VPS35L: variants seen among roughly 807,000 people sequenced by gnomAD.
VPS35L encodes the protein VPS35 endosomal protein sorting factor like.
Under a neutral mutation model 133.0 loss-of-function variants are expected in VPS35L, and 83 were observed. That is an observed-to-expected ratio of 0.62 (90% CI 0.52 to 0.75). The LOEUF is 0.75. Among genes scored for constraint, VPS35L ranks in the 30% least tolerant of loss-of-function variants. VPS35L has a pLI of 0.00. For missense variants in VPS35L, 1,083 were observed against 1,206.8 expected, an observed-to-expected ratio of 0.90 and a Z score of 1.52; for synonymous variants, 423 against 449.9, an observed-to-expected ratio of 0.94 and a Z score of 0.76.
chr16:19,677,887 C>T (rs1314892561), intron 27 of VPS35L, among the ~76,000 whole-genome samples: 1 of 152,182 alleles, frequency 6.6e-6, no homozygotes, highest in East Asian at 1.9e-4. Flanking sequence ...ACTTAACCAA[C>T]CTCATAACCA....
intron 29 of VPS35L, among the ~76,000 whole-genome samples, chr16:19,694,793 G>T (rs567870407): frequency 1.3e-5 from 2 of 152,186 alleles, no homozygotes; most frequent in Non-Finnish European, 2.9e-5. Flanking sequence ...ATCACTTGAG[G>T]TCAGAAGTTT....
intron 25 of VPS35L, among the ~76,000 whole-genome samples, chr16:19,651,463 C>A (rs1291088510): frequency 6.6e-6 from 1 of 152,086 alleles, no homozygotes; most frequent in Admixed American, 6.6e-5. Context: ...CCTCAGCCTC[C>A]CAAAGTGTTG....
intron 3 of VPS35L, among the ~76,000 whole-genome samples, chr16:19,572,716 T>C (rs1305721779): frequency 6.6e-6 from 1 of 152,158 alleles, no homozygotes; most frequent in Non-Finnish European, 1.5e-5. Context: ...GGAGTCTTGC[T>C]CTGTCACTCA....
At chr16:19,636,209 T>C (rs968394035) in intron 19 of VPS35L, among the ~76,000 whole-genome samples, 2 of 150,332 alleles carry the variant, frequency 1.3e-5, no homozygotes. Flanking sequence ...ATAAAACAAA[T>C]AATAATAAAA....
At chr16:19,557,777 G>A (rs557132188) in intron 1 of VPS35L, among the ~76,000 whole-genome samples, 6 of 152,032 alleles carry the variant, frequency 3.9e-5, no homozygotes, top group South Asian at 2.1e-4. Context: ...CTGGCTGGGC[G>A]CGGTCACTCA....
At chr16:19,650,995 C>T (rs1974106467) in intron 25 of VPS35L, among the ~76,000 whole-genome samples, 1 of 151,290 alleles carries the variant, frequency 6.6e-6, no homozygotes, top group African/African-American at 2.4e-5. Flanking sequence ...TCTCCTACCT[C>T]AACCTCCTGA....
chr16:19,669,066 A>G (rs546854757), intron 26 of VPS35L, 94 bp from the exon 27 acceptor site: 2 of 1,349,620 alleles, frequency 1.5e-6, no homozygotes, highest in Non-Finnish European at 2.0e-6. Context: ...GCTTCTACCT[A>G]ACTCTCAGGA....
intron 20 of VPS35L, among the ~76,000 whole-genome samples, chr16:19,638,457 C>A (rs1159525709): frequency 6.6e-6 from 1 of 152,172 alleles, no homozygotes; most frequent in Non-Finnish European, 1.5e-5. Context: ...GAACTGACTG[C>A]TGTGTATACT....
At chr16:19,690,656 T>C (rs1403287760) in intron 28 of VPS35L, among the ~76,000 whole-genome samples, 1 of 152,058 alleles carries the variant, frequency 6.6e-6, no homozygotes, top group Non-Finnish European at 1.5e-5. Flanking sequence ...AGGGAGATAT[T>C]AATATCATCT....
intron 26 of VPS35L, among the ~76,000 whole-genome samples, chr16:19,653,913 G>A (rs1473731133): frequency 2.0e-5 from 3 of 152,128 alleles, no homozygotes; most frequent in Non-Finnish European, 4.4e-5. Flanking sequence ...ACTCATGGGG[G>A]ACTTCAGTAG....
At chr16:19,610,668 G>A in intron 12 of VPS35L, 1 of 321,958 alleles carries the variant, frequency 3.1e-6, no homozygotes, top group Admixed American at 4.9e-5. Flanking sequence ...CAAATGAACT[G>A]GTTTTCAGAA....
chr16:19,664,140 C>T (rs1974584463), intron 26 of VPS35L, among the ~76,000 whole-genome samples: 1 of 152,066 alleles, frequency 6.6e-6, no homozygotes, highest in African/African-American at 2.4e-5. Flanking sequence ...GTCATATATA[C>T]AAAATAATGA....
Position 19,652,089 on chromosome 16 carries a change from A to T in VPS35L, c.2220A>T (p.Gln740His), listed in dbSNP as rs1974148722. The change falls in exon 26 of 31, where the codon CAA (glutamine) becomes CAT (histidine). Residue 740 changes from glutamine (Q) to histidine (H), a missense_variant and splice_region_variant. Physicochemically the swap from Gln to His is conservative, Grantham distance 24. Transcript: ENST00000417362. ...CCTTGGCCAACCAGTGCCTCTCCCA[A>T]GGTAAGTCCATCATTCTCTCATCTC... ...QVALANQCLS[Q>H]ADAFFKAAIS... 6.4e-7 allele frequency: 1 copy of T among 1,568,892 alleles called. No individual in the cohort carries two copies. Among genetic ancestry groups the T allele is most frequent in the African/African-American group, 1.4e-5 (1 of 73,938 alleles).
chr16:19,679,949 C>T lies in VPS35L; in HGVS notation c.2362-2276C>T, dbSNP rs1465233668. On this transcript the variant is annotated intron_variant, in intron 27 of 30. Transcript: ENST00000417362. ...ATATAATGGCAATGCTGCTCATACT[C>T]CACACTTGTATTCTAAGTAGCTGAC... is the stretch of plus-strand genomic sequence containing the variant. 2.6e-5 allele frequency among the ~76,000 whole-genome samples: 4 copies of T among 152,250 alleles called. No homozygotes were observed. The East Asian group carries it at 7.7e-4, about 29-fold the overall frequency.
At chr16:19,637,468 G>A (rs1001089190) in intron 19 of VPS35L, 126 bp from the exon 20 acceptor site, 16 of 611,334 alleles carry the variant, frequency 2.6e-5, no homozygotes, top group Non-Finnish European at 3.0e-5. Flanking sequence ...AGTAATAATT[G>A]CAAATTATGA....
chr16:19,562,073 C>G (rs1971047220), intron 1 of VPS35L, among the ~76,000 whole-genome samples: 1 of 152,020 alleles, frequency 6.6e-6, no homozygotes, highest in Non-Finnish European at 1.5e-5. Flanking sequence ...CCACTGCACT[C>G]CAGTGAGACT....
At chr16:19,671,622 C>A (rs1043986140) in intron 27 of VPS35L, among the ~76,000 whole-genome samples, 7 of 152,026 alleles carry the variant, frequency 4.6e-5, no homozygotes, top group South Asian at 2.1e-4. Context: ...ACTAAAAATA[C>A]AAAAATTAGC....
chr16:19,691,032 G>A (rs1415220756), intron 28 of VPS35L, among the ~76,000 whole-genome samples: 1 of 152,106 alleles, frequency 6.6e-6, no homozygotes, highest in East Asian at 1.9e-4. Context: ...CTGCAATAAG[G>A]CAGTGAAAGC....
chr16:19,570,872 TATATATATA>T (rs1971352961), intron 3 of VPS35L, among the ~76,000 whole-genome samples: 3 of 92,394 alleles, frequency 3.2e-5, no homozygotes, highest in Admixed American at 1.1e-4. Context: ...TATATATATA[TATATATATA>T]TATATATATT....
Sources: gnomAD v4.1 joint callset for allele counts (sites outside exome capture counted in the v4.1 genomes callset) on GRCh38, gnomAD v4.1.1 for gene constraint, MANE v1.5 for transcripts, NCBI Gene and HGNC (gene_info 2026-07-23, HGNC 2026-07-21) for gene names.